Variants in ACCSL observed in about 807,000 individuals in gnomAD.
The protein encoded by ACCSL is 1-aminocyclopropane-1-carboxylate synthase homolog (inactive) like, also known as probable inactive 1-aminocyclopropane-1-carboxylate synthase-like protein 2.
ACCSL carries 55 observed loss-of-function variants against 61.7 expected under a neutral mutation model. The ratio of observed to expected loss-of-function variants is 0.89; its 90% CI spans 0.72 to 1.12. The LOEUF (loss-of-function observed/expected upper bound fraction) is 1.12, where lower values mean the gene tolerates loss of function less well. Among genes scored for constraint, ACCSL ranks in the 50% most tolerant of loss-of-function variants. ACCSL has a pLI of 0.00. For synonymous variants in ACCSL, 258 were observed against 264.3 expected (o/e 0.98, Z 0.23); for missense variants, 632 against 698.0 (o/e 0.91, Z 1.07).
the ACCSL span, chr11:43,943,413 G>C: frequency 3.5e-6 from 5 of 1,436,268 alleles, no homozygotes; most frequent in East Asian, 1.3e-4. The surrounding 1 kb of genome is among the most constrained non-coding windows in gnomAD (Gnocchi z 4.8). Flanking sequence ...TCGGACTCCC[G>C]CCCCGCTGCG....
chr11:44,044,727 G>T (rs1209638356), upstream of ACCSL, among the ~76,000 whole-genome samples: 1 of 152,124 alleles, frequency 6.6e-6, no homozygotes, highest in Non-Finnish European at 1.5e-5. Flanking sequence ...ATAGCCATGT[G>T]CTGGCATCAA....
intron 11 of ACCSL, 36 bp from the exon 12 acceptor site, chr11:44,058,281 A>G (rs12275640): frequency 0.11 from 172,149 of 1,608,206 alleles, 9,919 homozygotes; most frequent in African/African-American, 0.13. Flanking sequence ...TTTCTGTAGT[A>G]ATATCTGTGA....
chr11:44,025,735 G>A, the ACCSL span, among the ~76,000 whole-genome samples: 19 of 145,762 alleles, frequency 1.3e-4, no homozygotes, highest in Admixed American at 6.4e-4. Flanking sequence ...TGGTCTGCTA[G>A]TGATAAATTC....
the ACCSL span, among the ~76,000 whole-genome samples, chr11:43,966,476 A>G: frequency 6.6e-6 from 1 of 151,902 alleles, no homozygotes; most frequent in Non-Finnish European, 1.5e-5. Context: ...ATAGAGGAGC[A>G]TTATAAAAAT....
chr11:43,955,707 T>C, the ACCSL span, among the ~76,000 whole-genome samples: 1 of 152,190 alleles, frequency 6.6e-6, no homozygotes, highest in Non-Finnish European at 1.5e-5. Flanking sequence ...AAGGCCAATC[T>C]TTGGTTTTAC....
chr11:44,051,747 T>C, intron 5 of ACCSL, 28 bp downstream of exon 5: 1 of 1,610,752 alleles, frequency 6.2e-7, no homozygotes, highest in Non-Finnish European at 8.5e-7. Context: ...CCTTTCACTC[T>C]CAGTGAAATA....
At chr11:43,981,454 A>G in the ACCSL span, among the ~76,000 whole-genome samples, 2 of 152,096 alleles carry the variant, frequency 1.3e-5, no homozygotes, top group African/African-American at 4.8e-5. Flanking sequence ...CACAGACAGG[A>G]TTTACTCCCA....
chr11:43,964,134 C>G, the ACCSL span, among the ~76,000 whole-genome samples: 3 of 151,958 alleles, frequency 2.0e-5, no homozygotes, highest in African/African-American at 7.2e-5. Flanking sequence ...TAATAGAAAA[C>G]TTCCCGTGAA....
chr11:44,017,443 G>A, the ACCSL span, among the ~76,000 whole-genome samples: 9 of 152,160 alleles, frequency 5.9e-5, no homozygotes, highest in African/African-American at 2.2e-4. Flanking sequence ...CCTGAAAAAA[G>A]TGCTGGCATA....
chr11:43,996,000 AAG>A, the ACCSL span, among the ~76,000 whole-genome samples: 9 of 152,308 alleles, frequency 5.9e-5, no homozygotes, highest in East Asian at 1.7e-3. Context: ...TCCTTATAAA[AAG>A]GGGGTAATTT....
At chr11:44,045,977 C>T (rs1239966657), upstream of ACCSL, among the ~76,000 whole-genome samples, 1 of 152,180 alleles carries the variant, frequency 6.6e-6, no homozygotes. Flanking sequence ...TGGCTCTTTC[C>T]ACTAGCACTC....
At chr11:43,989,161 G>A in the ACCSL span, among the ~76,000 whole-genome samples, 1 of 152,184 alleles carries the variant, frequency 6.6e-6, no homozygotes, top group Non-Finnish European at 1.5e-5. Context: ...TGCTGTGTGG[G>A]GAGGCTCAGC....
rs780575977 is a variant in ACCSL at position 44,058,335 on chromosome 11, A to T, written c.1346A>T (p.Tyr449Phe). The part of the protein sequence containing the change: ...LQNTEWIDKV[Y>F]LPTNCYRLRE... ...CATCCAGAATGGATTGACAAAGTAT[A>T]CCTACCCACCAATTGCTACCGGCTC... is the stretch of plus-strand genomic sequence containing the variant. The change falls in exon 12 of 14, where the codon TAC becomes TTC. Residue 449 changes from tyrosine to phenylalanine, a missense_variant. Physicochemically the swap from Tyr to Phe is conservative, Grantham distance 22 (BLOSUM62 3). Transcript: ENST00000378832. The T allele has an allele frequency of 6.8e-6, 11 of 1,614,090 alleles. 1 individual carries two copies. In the East Asian group the frequency reaches 2.4e-4, roughly 36 times the overall value.
At chr11:43,949,814 C>A in the ACCSL span, among the ~76,000 whole-genome samples, 1 of 135,924 alleles carries the variant, frequency 7.4e-6, no homozygotes, top group South Asian at 2.5e-4. Flanking sequence ...GACTCCATCT[C>A]AAAAAAAACA....
chr11:44,042,836 T>A, the ACCSL span, among the ~76,000 whole-genome samples: 1 of 152,116 alleles, frequency 6.6e-6, no homozygotes, highest in African/African-American at 2.4e-5. Context: ...ATCCCAGCAC[T>A]TTGGGAGGCT....
At chr11:44,034,138 A>G in the ACCSL span, among the ~76,000 whole-genome samples, 2 of 152,130 alleles carry the variant, frequency 1.3e-5, no homozygotes, top group African/African-American at 4.8e-5. Flanking sequence ...TGTGGTCATT[A>G]TCATCCCCCT....
chr11:43,949,156 T>C, the ACCSL span, among the ~76,000 whole-genome samples: 1 of 152,174 alleles, frequency 6.6e-6, no homozygotes, highest in Non-Finnish European at 1.5e-5. Context: ...TCCTCGCACA[T>C]TTCATCCCAT....
the ACCSL span, among the ~76,000 whole-genome samples, chr11:44,039,498 C>A: frequency 6.7e-6 from 1 of 150,232 alleles, no homozygotes; most frequent in Non-Finnish European, 1.5e-5. Context: ...TTTGGGGACT[C>A]GGGGGGAAAG....
chr11:43,924,170 C>A, the ACCSL span, among the ~76,000 whole-genome samples: 1 of 152,244 alleles, frequency 6.6e-6, no homozygotes, highest in Non-Finnish European at 1.5e-5. Context: ...TAAAAGAAAT[C>A]CTATGGCTGT....
Sources: gnomAD v4.1 joint callset for allele counts (sites outside exome capture counted in the v4.1 genomes callset) on GRCh38, gnomAD v4.1.1 for gene constraint, Gnocchi (gnomAD v3.1) non-coding constraint, MANE v1.5 for transcripts, NCBI Gene and HGNC (gene_info 2026-07-23, HGNC 2026-07-21) for gene names.